DENND4B: variants seen among roughly 807,000 people sequenced by gnomAD.
DENND4B encodes the protein DENN domain-containing protein 4B.
A neutral mutation model predicts 161.0 loss-of-function variants in DENND4B; 67 were observed. The ratio of observed to expected loss-of-function variants is 0.42; its 90% confidence interval spans 0.34 to 0.51. The LOEUF is 0.51. Ranked by LOEUF, DENND4B falls within the 20% of genes least tolerant of loss-of-function variation. The pLI, the probability that DENND4B is intolerant of heterozygous loss-of-function variation, is 0.08. For synonymous variants in DENND4B, 753 were observed against 813.8 expected (o/e 0.93, Z 1.27); for missense variants, 1,481 against 1,968.0 (o/e 0.75, Z 4.68).
rs761829135 is a variant in DENND4B at position 153,940,565 on chromosome 1, C to T, written c.1368G>A (p.Leu456=). Residue 456 remains leucine (L), a synonymous_variant, in exon 10 of 28, where the codon CTG becomes CTA. Transcript: ENST00000361217. This position sits in a 1 kb window ranked among gnomAD's most constrained non-coding sequence, Gnocchi z 5.6. The part of the protein sequence containing the change: ...PLHWQCPYIP[L]CPLVLADVLS... ...GCACATCTGCCAGCACCAGCGGGCACAGAGGAATGTAGGGGCACTGCCAGT... is the reference window on the plus strand; with the variant it reads ...GCACATCTGCCAGCACCAGCGGGCATAGAGGAATGTAGGGGCACTGCCAGT... The T allele has an allele frequency of 6.2e-7, 1 of 1,613,524 alleles. No homozygotes were observed. The highest frequency in any genetic ancestry group is 1.7e-5 in the Admixed American group (1 of 59,962).
intron 17 of DENND4B, 187 bp downstream of exon 17, chr1:153,935,873 C>T: frequency 2.9e-6 from 2 of 681,984 alleles, no homozygotes. Context: ...GAGTGGGAAT[C>T]AAAGCAGCCT....
chr1:153,932,854 T>C lies in DENND4B; in HGVS notation c.3623+7A>G. ...CCCACCCACAGCACTTGCCCTGCCTTGGGCACCTGGGCCGGGAATCAAGGG... is the reference window on the plus strand; with the variant it reads ...CCCACCCACAGCACTTGCCCTGCCTCGGGCACCTGGGCCGGGAATCAAGGG... On this transcript the variant is annotated splice_region_variant and intron_variant, in intron 22 of 27. Coordinates refer to ENST00000361217, the MANE Select transcript of DENND4B (RefSeq NM_014856.3). The surrounding 1 kb of genome is among the most constrained non-coding windows in gnomAD (Gnocchi z 5.8). The C allele has an allele frequency of 6.2e-7, 1 of 1,613,834 alleles. No homozygotes were observed. Among genetic ancestry groups the C allele is most frequent in the Non-Finnish European group, 8.5e-7 (1 of 1,179,812 alleles).
In DENND4B at chr1:153,932,411, T is replaced by C. The variant is rs762429478; in HGVS notation, c.3789A>G (p.Ala1263=). Residue 1263 remains alanine, a synonymous_variant, in exon 24 of 28, where the codon GCA becomes GCG. Transcript: ENST00000361217. The surrounding 1 kb of genome is among the most constrained non-coding windows in gnomAD (Gnocchi z 5.8). ...GGASRRVESG[A]WAYLSPLVLR... ...GCACCAGGGGGCTCAGGTATGCCCA[T>C]GCCCCACTCTCAACCCGCCGGGAGG... 1.2e-6 allele frequency: 2 copies of C among 1,612,560 alleles called. No individual in the cohort carries two copies. Among genetic ancestry groups the C allele is most frequent in the Non-Finnish European group, 1.7e-6 (2 of 1,179,314 alleles).
At position 153,946,369 on chromosome 1, in the gene DENND4B, G is replaced by A; in HGVS notation, c.-92C>T. The A allele has an allele frequency of 1.8e-5, 7 of 378,878 alleles. No individual in the cohort carries two copies. The highest frequency in any genetic ancestry group is 2.3e-5 in the Non-Finnish European group (5 of 213,220). The allele number at this position is 378,878 out of a possible 1,614,324, so 23.5% of individuals were successfully genotyped here. A position where few individuals can be genotyped will look rare whatever the true frequency, so the allele number is the denominator to read the frequency against. On this transcript the variant is annotated 5_prime_UTR_variant, in exon 1 of 28. Coordinates refer to ENST00000361217, the MANE Select transcript of DENND4B (RefSeq NM_014856.3). This position sits in a 1 kb window ranked among gnomAD's most constrained non-coding sequence, Gnocchi z 6.3. ...CGGAGGGCGAGCTGGCGGGCCGGCG[G>A]GCGGCGGGGCTACCCGGCCCCAGAC...
At position 153,933,850 on chromosome 1, in the gene DENND4B, A is replaced by C. The variant is rs1210783411; in HGVS notation, c.2963T>G (p.Leu988Arg). ...VAHMIEALGV[L>R]EPRGSPVPWH... ...GGGCACAGGTGATCCCCGGGGTTCC[A>C]GGACCCCCAAGGCCTCTATCACTGC... Residue 988 changes from leucine to arginine, a missense_variant, in exon 20 of 28, where the codon CTG (leucine) becomes CGG (arginine). Coordinates refer to ENST00000361217, the MANE Select transcript of DENND4B (RefSeq NM_014856.3). This position sits in a 1 kb window ranked among gnomAD's most constrained non-coding sequence, Gnocchi z 5.7. 4.3e-6 allele frequency: 7 copies of C among 1,613,178 alleles called. No individual in the cohort carries two copies. Among genetic ancestry groups the C allele is most frequent in the Non-Finnish European group, 5.9e-6 (7 of 1,179,744 alleles).
Position 153,940,797 on chromosome 1 carries a change from C to G in DENND4B, c.1326+107G>C. The G allele has an allele frequency of 2.7e-6, 4 of 1,470,020 alleles. No individual in the cohort carries two copies. The highest frequency in any genetic ancestry group is 3.6e-6 in the Non-Finnish European group (4 of 1,110,358). The allele number at this position is 1,470,020 out of a possible 1,614,324, so 91.1% of individuals were successfully genotyped here. On this transcript the variant is annotated intron_variant, in intron 9 of 27. Coordinates refer to ENST00000361217, the MANE Select transcript of DENND4B (RefSeq NM_014856.3). This position sits in a 1 kb window ranked among gnomAD's most constrained non-coding sequence, Gnocchi z 5.6. Reference sequence around the variant, plus strand: ...TGCAGGCTGTGCCCAGGGAAAGGGGCTGAGGATCCTCCACAAGGAAGGAAA... The same window carrying G: ...TGCAGGCTGTGCCCAGGGAAAGGGGGTGAGGATCCTCCACAAGGAAGGAAA...
chr1:153,932,021 G>T lies in DENND4B; in HGVS notation c.3996+183C>A, dbSNP rs1571030603. On this transcript the variant is annotated intron_variant, in intron 24 of 27. Coordinates refer to ENST00000361217, the MANE Select transcript of DENND4B (RefSeq NM_014856.3). This position sits in a 1 kb window ranked among gnomAD's most constrained non-coding sequence, Gnocchi z 5.8. ...AGGGTTTCTCCCAGTTGGTCAGGCT[G>T]GTCTCGAACTCCTGACCTCAGGTGA... Among the ~76,000 whole-genome samples, 1 of 150,576 alleles carries T rather than the reference G, an allele frequency of 6.6e-6. No homozygotes were observed. Among genetic ancestry groups the T allele is most frequent in the Non-Finnish European group, 1.5e-5 (1 of 67,804 alleles).
rs1298916673 is a variant in DENND4B, at chr1:153,932,765, G to A, written c.3636C>T (p.Pro1212=). 3 of 1,614,030 alleles carry A rather than the reference G, an allele frequency of 1.9e-6. No individual in the cohort carries two copies. In the Admixed American group the frequency reaches 5.0e-5, roughly 27 times the overall value. The change falls in exon 23 of 28, where the codon CCC becomes CCT. Residue 1212 remains proline, a synonymous_variant. Coordinates refer to ENST00000361217, the MANE Select transcript of DENND4B (RefSeq NM_014856.3). This position sits in a 1 kb window ranked among gnomAD's most constrained non-coding sequence, Gnocchi z 5.8. ...TLDSRPSVPS[P]KSAGASGSKD... The stretch of plus-strand genomic sequence containing the variant: ...TGCTGCCACTGGCACCAGCAGATTT[G>A]GGGCTGGGGACACTGCAGGGGGATA...
chr1:153,932,508 C>T lies in DENND4B; in HGVS notation c.3760-68G>A. ...CCCCAGAGCCTTGCCTCCCACTGAGCCACCACATCCAACAGCTTTTGGGAT... is the reference window on the plus strand; with the variant it reads ...CCCCAGAGCCTTGCCTCCCACTGAGTCACCACATCCAACAGCTTTTGGGAT... On this transcript the variant is annotated intron_variant, in intron 23 of 27. Transcript: ENST00000361217. The surrounding 1 kb of genome is among the most constrained non-coding windows in gnomAD (Gnocchi z 5.8). 1.3e-6 allele frequency: 2 copies of T among 1,553,356 alleles called. No homozygotes were observed. The highest frequency in any genetic ancestry group is 1.7e-6 in the Non-Finnish European group (2 of 1,147,358).
intron 11 of DENND4B, 157 bp downstream of exon 11, chr1:153,939,999 G>T: frequency 2.4e-6 from 2 of 827,546 alleles, no homozygotes; most frequent in East Asian, 2.7e-5. Context: ...CTTCCTTCTA[G>T]CTTCAGTTGG....
intron 12 of DENND4B, among the ~76,000 whole-genome samples, 171 bp downstream of exon 12, chr1:153,939,418 C>G (rs79097346): frequency 5.3e-5 from 8 of 151,980 alleles, no homozygotes; most frequent in African/African-American, 1.9e-4. Context: ...CTGATTCCCC[C>G]CCAAGACCAG....
Position 153,940,552 on chromosome 1 carries a change from G to C in DENND4B, c.1381C>G (p.Leu461Val). The change falls in exon 10 of 28, where the codon CTG becomes GTG. Residue 461 changes from leucine to valine, a missense_variant. Transcript: ENST00000361217. The surrounding 1 kb of genome is among the most constrained non-coding windows in gnomAD (Gnocchi z 5.6). ...CPYIPLCPLV[L>V]ADVLSAPVPF... ...ACTGGGGCACTCAGCACATCTGCCA[G>C]CACCAGCGGGCACAGAGGAATGTAG... The C allele has an allele frequency of 6.2e-7, 1 of 1,613,588 alleles. No homozygotes were observed. The highest frequency in any genetic ancestry group is 8.5e-7 in the Non-Finnish European group (1 of 1,179,726).
In DENND4B at chr1:153,936,440, A is replaced by C. The variant is rs1679335254; in HGVS notation, c.2439+102T>G. ...ATCTGCCCAGCTCTGGGGCTCTGCA[A>C]CTTCTTTCCTTAGTCTCCACCAAGT... On this transcript the variant is annotated intron_variant, in intron 16 of 27. Transcript: ENST00000361217. The surrounding 1 kb of genome is among the most constrained non-coding windows in gnomAD (Gnocchi z 4.1). 1 of 1,336,558 alleles carries C rather than the reference A, an allele frequency of 7.5e-7. No homozygotes were observed. The highest frequency in any genetic ancestry group is 1.0e-6 in the Non-Finnish European group (1 of 989,658). 82.8% of individuals were successfully genotyped at this position (1,336,558 alleles called of 1,614,324 possible).
In DENND4B at chr1:153,946,308, G is replaced by A. The variant is rs896940876; in HGVS notation, c.-31C>T. The A allele has an allele frequency of 5.6e-6, 2 of 357,612 alleles. No individual in the cohort carries two copies. The highest frequency in any genetic ancestry group is 4.7e-5 in the Admixed American group (1 of 21,300). The allele number at this position is 357,612 out of a possible 1,614,324, so 22.2% of individuals were successfully genotyped here. On this transcript the variant is annotated 5_prime_UTR_variant, in exon 1 of 28. Transcript: ENST00000361217. This position sits in a 1 kb window ranked among gnomAD's most constrained non-coding sequence, Gnocchi z 6.3. ...GGTCCAGCCCCTACCTGCCTGTCCC[G>A]CGCTTCCCGGCCGGCCGGCCCGCTG...
Position 153,933,504 on chromosome 1 carries a change from G to A in DENND4B, c.3309C>T (p.Arg1103=), listed in dbSNP as rs1328333261. ...PMDSLLHPRE[R]PGSTASESSA... ...CTACCTCGGAGGCAGTGGATCCAGG[G>A]CGCTCCCGGGGGTGCAGAAGACTGT... Residue 1103 remains arginine, a synonymous_variant, in exon 20 of 28, where the codon CGC becomes CGT. Transcript: ENST00000361217. This position sits in a 1 kb window ranked among gnomAD's most constrained non-coding sequence, Gnocchi z 5.7. 1.3e-6 allele frequency: 2 copies of A among 1,554,404 alleles called. No homozygotes were observed. The highest frequency in any genetic ancestry group is 2.3e-5 in the East Asian group (1 of 44,428).
intron 17 of DENND4B, chr1:153,935,256 C>T: frequency 4.6e-6 from 2 of 434,752 alleles, no homozygotes; most frequent in Non-Finnish European, 8.1e-6. Flanking sequence ...TTTATTTGGT[C>T]ATTAGTCTCC....
chr1:153,931,847 A>G (rs1678963501), intron 24 of DENND4B, among the ~76,000 whole-genome samples: 1 of 145,676 alleles, frequency 6.9e-6, no homozygotes, highest in Non-Finnish European at 1.5e-5. Flanking sequence ...CTTGTTGCTC[A>G]GGCTGGAGGG....
chr1:153,933,067 G>C lies in DENND4B; in HGVS notation c.3454-37C>G, dbSNP rs757749443. Reference sequence around the variant, plus strand: ...GAGAGTCGGGAAGTAGGTGCTGTCTGGCCGCCAGCACTCTGGAGCCCATGC... The same window carrying C: ...GAGAGTCGGGAAGTAGGTGCTGTCTCGCCGCCAGCACTCTGGAGCCCATGC... On this transcript the variant is annotated intron_variant, in intron 21 of 27. Transcript: ENST00000361217. This position sits in a 1 kb window ranked among gnomAD's most constrained non-coding sequence, Gnocchi z 5.7. 1.9e-6 allele frequency: 3 copies of C among 1,610,596 alleles called. No individual in the cohort carries two copies. The highest frequency in any genetic ancestry group is 2.5e-6 in the Non-Finnish European group (3 of 1,177,646).
In DENND4B at chr1:153,942,394, C is replaced by T. The variant is rs1377910081; in HGVS notation, c.641-38G>A. ...CATAGTTGGGGGTACCCAAAAGGAGCAGGGTCCATCAGACTCCAAGGGAAA... is the reference window on the plus strand; with the variant it reads ...CATAGTTGGGGGTACCCAAAAGGAGTAGGGTCCATCAGACTCCAAGGGAAA... On this transcript the variant is annotated intron_variant, in intron 4 of 27. Transcript: ENST00000361217. This position sits in a 1 kb window ranked among gnomAD's most constrained non-coding sequence, Gnocchi z 6.9. The T allele has an allele frequency of 1.3e-6, 2 of 1,597,772 alleles. No homozygotes were observed. Among genetic ancestry groups the T allele is most frequent in the Non-Finnish European group, 1.7e-6 (2 of 1,172,368 alleles).
Sources: allele counts gnomAD v4.1 joint callset (sites outside exome capture counted in the v4.1 genomes callset), GRCh38; gene constraint gnomAD v4.1.1; non-coding constraint Gnocchi (gnomAD v3.1); transcripts MANE v1.5; gene names NCBI Gene and HGNC (gene_info 2026-07-23, HGNC 2026-07-21).